Variants in ABCB1 observed in about 807,000 individuals in gnomAD.
ABCB1 encodes the protein ATP binding cassette subfamily B member 1.
Under a neutral mutation model 142.0 loss-of-function variants are expected in ABCB1, and 69 were observed. The ratio of observed to expected loss-of-function variants is 0.49; its 90% CI spans 0.40 to 0.59. The LOEUF (loss-of-function observed/expected upper bound fraction) is 0.59, where lower values mean the gene tolerates loss of function less well. ABCB1 is among the 20% of genes least tolerant of loss of function. ABCB1 has a pLI of 0.00. For missense variants in ABCB1, 1,326 were observed against 1,554.7 expected (o/e 0.85, Z 2.47); for synonymous variants, 532 against 539.2 (o/e 0.99, Z 0.18).
chr7:87,565,036 A>G (rs1197366598), intron 7 of ABCB1, among the ~76,000 whole-genome samples: 1 of 152,212 alleles, frequency 6.6e-6, no homozygotes, highest in Non-Finnish European at 1.5e-5. Context: ...ATTAACAGAG[A>G]CCTGAGAACT....
At chr7:87,595,614 C>T (rs1819169620) in intron 3 of ABCB1, 152 bp downstream of exon 3, 4 of 640,656 alleles carry the variant, frequency 6.2e-6, no homozygotes, top group Non-Finnish European at 8.4e-6. Context: ...TCAGCATTCT[C>T]CTGAAAATAA....
chr7:87,512,194 T>C (rs541056660), intron 25 of ABCB1, among the ~76,000 whole-genome samples: 1 of 152,236 alleles, frequency 6.6e-6, no homozygotes, highest in South Asian at 2.1e-4. Context: ...AAAAAAATTT[T>C]TTTTTTTTAC....
At chr7:87,536,280 T>C (rs28381955) in intron 20 of ABCB1, among the ~76,000 whole-genome samples, 178 bp downstream of exon 20, 1 of 152,368 alleles carries the variant, frequency 6.6e-6, no homozygotes, top group African/African-American at 2.4e-5. Context: ...CTCTACAGTA[T>C]ATAATGTTTA....
At chr7:87,570,546 A>T (rs1818005588) in intron 4 of ABCB1, among the ~76,000 whole-genome samples, 1 of 152,216 alleles carries the variant, frequency 6.6e-6, no homozygotes, top group Non-Finnish European at 1.5e-5. Context: ...CCCACTAAAG[A>T]AAAATCTTTT....
At chr7:87,628,700 C>T (rs2130162205) in intron 1 of ABCB1, 2 of 571,250 alleles carry the variant, frequency 3.5e-6, no homozygotes, top group South Asian at 1.9e-4. Context: ...TTCCTCCCTC[C>T]AGGCTCCTTT....
At chr7:87,516,302 A>C (rs1489767556) in intron 24 of ABCB1, among the ~76,000 whole-genome samples, 5 of 152,242 alleles carry the variant, frequency 3.3e-5, no homozygotes, top group Non-Finnish European at 7.3e-5. Flanking sequence ...TAAAGTGAGC[A>C]GTATTCCTAT....
intron 21 of ABCB1, chr7:87,522,327 CA>C (rs1330197784): frequency 2.7e-6 from 2 of 747,312 alleles, no homozygotes; most frequent in African/African-American, 3.4e-5. Context: ...TATGCTGGTA[CA>C]GGCCAGTACT....
At chr7:87,582,638 T>C (rs578171931) in intron 4 of ABCB1, among the ~76,000 whole-genome samples, 1 of 152,206 alleles carries the variant, frequency 6.6e-6, no homozygotes, top group East Asian at 1.9e-4. Flanking sequence ...CTGCAGACCA[T>C]ACGGTTTGTA....
chr7:87,535,447 C>T (rs1185421031), intron 20 of ABCB1, among the ~76,000 whole-genome samples: 1 of 151,948 alleles, frequency 6.6e-6, no homozygotes, highest in Non-Finnish European at 1.5e-5. Flanking sequence ...ATTCTCGTAC[C>T]TCAGCCTCCC....
chr7:87,600,269 G>A (rs952240425), intron 1 of ABCB1, 79 bp from the exon 2 acceptor site: 5 of 1,208,760 alleles, frequency 4.1e-6, no homozygotes, highest in African/African-American at 1.5e-5. Context: ...CTAGTCCCCC[G>A]TCGAAGCCAG....
At chr7:87,672,625 T>C (rs1302929349) in intron 1 of ABCB1, among the ~76,000 whole-genome samples, 2 of 152,200 alleles carry the variant, frequency 1.3e-5, no homozygotes, top group African/African-American at 4.8e-5. Context: ...CTCCAGGGTT[T>C]CCATGCATGT....
chr7:87,549,723 A>G (rs886122640), intron 13 of ABCB1, 128 bp downstream of exon 13: 1 of 1,362,480 alleles, frequency 7.3e-7, no homozygotes, highest in Non-Finnish European at 1.0e-6. Context: ...TCAAATCTGA[A>G]GTAATCTTAC....
intron 4 of ABCB1, among the ~76,000 whole-genome samples, chr7:87,583,216 GA>G (rs1818593685): frequency 1.3e-5 from 2 of 152,174 alleles, no homozygotes; most frequent in African/African-American, 4.8e-5. Flanking sequence ...ATTCTTCAAT[GA>G]ATGAATCCAC....
Position 87,516,602 on chromosome 7 carries a change from G to A in ABCB1, c.2991C>T (p.Asp997=), listed in dbSNP as rs201744657. 5 of 1,614,040 alleles carry A rather than the reference G, an allele frequency of 3.1e-6. 1 individual carries two copies. In the Middle Eastern group the frequency reaches 4.9e-4, roughly 159 times the overall value. The change falls in exon 24 of 28, where the codon GAC becomes GAT. Residue 997 remains aspartate, a synonymous_variant. Coordinates refer to ENST00000622132, the MANE Select transcript of ABCB1 (RefSeq NM_001348946.2). The stretch of plus-strand genomic sequence containing the variant: ...CTGCTGATATTTTGGCTTTGGCATA[G>A]TCAGGAGCAAATGAACTGACTTGCC... The part of the protein sequence containing the change: ...AVGQVSSFAP[D]YAKAKISAAH...
At chr7:87,674,299 G>T (rs922043336) in intron 1 of ABCB1, among the ~76,000 whole-genome samples, 5 of 152,166 alleles carry the variant, frequency 3.3e-5, no homozygotes, top group South Asian at 2.1e-4. Flanking sequence ...GTTGTGGCAG[G>T]GGTGGGGGTA....
chr7:87,675,646 T>G (rs1826257728), intron 1 of ABCB1, among the ~76,000 whole-genome samples: 1 of 76,646 alleles, frequency 1.3e-5, no homozygotes, highest in South Asian at 3.7e-4. Context: ...AACTGAATAT[T>G]CACATGCAAA....
intron 1 of ABCB1, among the ~76,000 whole-genome samples, chr7:87,711,178 T>G (rs1403586841): frequency 6.6e-6 from 1 of 151,706 alleles, no homozygotes; most frequent in East Asian, 1.9e-4. Flanking sequence ...AATACAACAT[T>G]AGCCAGGCAT....
chr7:87,537,844 A>T lies in ABCB1; in HGVS notation c.2398-1303T>A, dbSNP rs375530459. On this transcript the variant is annotated intron_variant, in intron 19 of 27. Coordinates refer to ENST00000622132, the MANE Select transcript of ABCB1 (RefSeq NM_001348946.2). ...GATTGTGAATTTGAAGTATGAATTT[A>T]TATGTTTTACAAATAACTGTGGTCC... Among the ~76,000 whole-genome samples, 7 of 152,304 alleles carry T rather than the reference A, an allele frequency of 4.6e-5. No homozygotes were observed. The East Asian group carries it at 9.6e-4, about 21-fold the overall frequency.
chr7:87,700,718 T>A, intron 1 of ABCB1: 1 of 624,496 alleles, frequency 1.6e-6, no homozygotes, highest in Non-Finnish European at 2.6e-6. Flanking sequence ...TTATCTAAAC[T>A]AGTGGCTCTC....
Sources: gnomAD v4.1 joint callset for allele counts (sites outside exome capture counted in the v4.1 genomes callset) on GRCh38, gnomAD v4.1.1 for gene constraint, MANE v1.5 for transcripts, NCBI Gene and HGNC (gene_info 2026-07-23, HGNC 2026-07-21) for gene names.